The following KCTD1 variants were observed in gnomAD, a reference collection of about 807,000 sequenced individuals.
The protein encoded by KCTD1 is potassium channel tetramerization domain containing 1, also known as BTB/POZ domain-containing protein KCTD1.
In KCTD1, 24 loss-of-function variants were observed where a neutral mutation model predicts 66.0. The observed-to-expected ratio is 0.36, with a 90% CI of 0.26 to 0.51. The LOEUF (loss-of-function observed/expected upper bound fraction) is 0.51, where lower values mean the gene tolerates loss of function less well. Ranked by LOEUF, KCTD1 falls within the 20% of genes least tolerant of loss-of-function variation. The probability of loss-of-function intolerance (pLI) is 0.95; values close to 1 mark genes in which losing one functional copy is unlikely to be tolerated. For synonymous variants in KCTD1, 511 were observed against 517.2 expected, an observed-to-expected ratio of 0.99 and a Z score of 0.16; for missense variants, 943 against 1,205.2, an observed-to-expected ratio of 0.78 and a Z score of 3.22.
At chr18:26,573,406 TAA>T (rs1253433386) in intron 1 of KCTD1, among the ~76,000 whole-genome samples, 1 of 152,208 alleles carries the variant, frequency 6.6e-6, no homozygotes, top group Non-Finnish European at 1.5e-5. Context: ...GTTAAGATGG[TAA>T]ATATTACATG....
chr18:26,543,140 C>T (rs148296551), intron 1 of KCTD1: 2 of 152,282 alleles, frequency 1.3e-5, no homozygotes, highest in East Asian at 1.9e-4. Flanking sequence ...AAGTTATATA[C>T]TTATGTACAA....
intron 1 of KCTD1, among the ~76,000 whole-genome samples, chr18:26,570,766 G>T (rs561036856): frequency 6.6e-6 from 1 of 152,200 alleles, no homozygotes; most frequent in African/African-American, 2.4e-5. Flanking sequence ...TTACCATGGG[G>T]TTACCTCCTG....
chr18:26,462,453 A>G (rs1980484904), intron 3 of KCTD1, among the ~76,000 whole-genome samples: 1 of 152,204 alleles, frequency 6.6e-6, no homozygotes, highest in South Asian at 2.1e-4. Context: ...TCTCCAGAGT[A>G]GAGCCACTGC....
intron 3 of KCTD1, among the ~76,000 whole-genome samples, chr18:26,467,502 C>T (rs760732589): frequency 2.0e-5 from 3 of 149,186 alleles, no homozygotes; most frequent in African/African-American, 7.4e-5. Flanking sequence ...TGGGTGACAG[C>T]GCAAGACCCT....
upstream of KCTD1, chr18:26,548,815 C>A: frequency 9.3e-7 from 1 of 1,077,094 alleles, no homozygotes; most frequent in Non-Finnish European, 1.1e-6. Flanking sequence ...GCTCCCACTT[C>A]TAAGAAAACT....
chr18:26,494,293 C>A (rs1982355859), intron 2 of KCTD1, among the ~76,000 whole-genome samples: 2 of 152,122 alleles, frequency 1.3e-5, no homozygotes, highest in South Asian at 4.1e-4. Flanking sequence ...ATCACTTAAG[C>A]CCAGGAATTC....
intron 1 of KCTD1, among the ~76,000 whole-genome samples, chr18:26,578,133 T>G (rs1986273742): frequency 6.8e-6 from 1 of 148,078 alleles, no homozygotes; most frequent in Admixed American, 6.9e-5. Flanking sequence ...CTCGGCTCAC[T>G]GCAACCTCAG....
chr18:26,461,632 C>T (rs1477438242), intron 3 of KCTD1, among the ~76,000 whole-genome samples: 1 of 152,210 alleles, frequency 6.6e-6, no homozygotes, highest in East Asian at 1.9e-4. Flanking sequence ...GATCCCCACT[C>T]TGGGGCTTTG....
chr18:26,513,296 C>T (rs1983446557), intron 1 of KCTD1, among the ~76,000 whole-genome samples: 1 of 152,034 alleles, frequency 6.6e-6, no homozygotes, highest in South Asian at 2.1e-4. Flanking sequence ...ATCGCGTTAG[C>T]CAGGATGGTC....
At chr18:26,537,141 T>C (rs1984748497) in intron 1 of KCTD1, among the ~76,000 whole-genome samples, 1 of 152,202 alleles carries the variant, frequency 6.6e-6, no homozygotes, top group South Asian at 2.1e-4. Context: ...ATCTGTGTGT[T>C]TCTACAGCAA....
At chr18:26,644,608 A>C (rs1434609862), upstream of KCTD1, among the ~76,000 whole-genome samples, 1 of 152,116 alleles carries the variant, frequency 6.6e-6, no homozygotes, top group East Asian at 1.9e-4. Context: ...AAATACAAAA[A>C]TTAGCTGGGT....
chr18:26,630,171 T>A (rs540498837), upstream of KCTD1, among the ~76,000 whole-genome samples: 1 of 152,216 alleles, frequency 6.6e-6, no homozygotes, highest in African/African-American at 2.4e-5. Context: ...GGTGCCTTCC[T>A]GCTAATACAG....
chr18:26,476,584 A>G lies in KCTD1; in HGVS notation c.2064T>C (p.Asp688=). ...TCAAGATATATCTGAACATCTGTCCATCTCTGTCAATGAAATAGTGCTGTT... is the reference window on the plus strand; with the variant it reads ...TCAAGATATATCTGAACATCTGTCCGTCTCTGTCAATGAAATAGTGCTGTT... ...SLKQHYFIDR[D]GQMFRYILNF... Residue 688 remains aspartate, a synonymous_variant, in exon 3 of 5, where the codon GAT becomes GAC. Transcript: ENST00000580059. The surrounding 1 kb of genome is among the most constrained non-coding windows in gnomAD (Gnocchi z 4.9). 6.2e-7 allele frequency: 1 copy of G among 1,613,752 alleles called. No homozygotes were observed. Among genetic ancestry groups the G allele is most frequent in the African/African-American group, 1.3e-5 (1 of 75,018 alleles).
In KCTD1 at chr18:26,626,154, CA is replaced by C. The variant is rs199890516; in HGVS notation, c.-16+2992del. On this transcript the variant is annotated intron_variant, in intron 1 of 4. Transcript: ENST00000317932. ...CACTGAACTTTACAGTTTCATGAGCCAAAAAAAAAAACAAAAAAAAAAACCT... is the reference window on the plus strand; with the variant it reads ...CACTGAACTTTACAGTTTCATGAGCCAAAAAAAAAACAAAAAAAAAAACCT... 5.4e-3 allele frequency among the ~76,000 whole-genome samples: 634 copies of C among 117,794 alleles called. 5 individuals carry two copies. Among genetic ancestry groups the C allele is most frequent in the African/African-American group, 0.019 (580 of 30,342 alleles). The allele number at this position is 117,794 out of a possible 152,430, so 77.3% of individuals were successfully genotyped here. A position where few individuals can be genotyped will look rare whatever the true frequency, so the allele number is the denominator to read the frequency against.
chr18:26,511,578 A>G (rs1983334392), intron 1 of KCTD1, among the ~76,000 whole-genome samples: 1 of 152,224 alleles, frequency 6.6e-6, no homozygotes, highest in African/African-American at 2.4e-5. Context: ...TTCGAGTCTG[A>G]AATCAGAAAC....
intron 1 of KCTD1, among the ~76,000 whole-genome samples, chr18:26,527,301 C>A (rs1266308332): frequency 6.6e-6 from 1 of 152,110 alleles, no homozygotes; most frequent in Non-Finnish European, 1.5e-5. Context: ...ATAAAGCTAG[C>A]ATTTGATGCA....
At chr18:26,510,107 C>T (rs1226064500) in intron 1 of KCTD1, among the ~76,000 whole-genome samples, 10 of 152,160 alleles carry the variant, frequency 6.6e-5, no homozygotes, top group Admixed American at 5.2e-4. Context: ...GCGAGAAGTA[C>T]AGTGAACTAC....
intron 1 of KCTD1, among the ~76,000 whole-genome samples, chr18:26,651,283 T>C (rs1988026801): frequency 6.6e-6 from 1 of 152,166 alleles, no homozygotes; most frequent in Admixed American, 6.5e-5. Flanking sequence ...GAAAGGACTA[T>C]GGGTGTAGAT....
intron 3 of KCTD1, among the ~76,000 whole-genome samples, chr18:26,463,007 C>T (rs983412064): frequency 2.0e-5 from 3 of 152,182 alleles, no homozygotes; most frequent in African/African-American, 2.4e-5. Flanking sequence ...GGGGCAGCAG[C>T]AGGTTCAGCA....
Sources: gnomAD v4.1 joint callset for allele counts (sites outside exome capture counted in the v4.1 genomes callset) on GRCh38, gnomAD v4.1.1 for gene constraint, Gnocchi (gnomAD v3.1) non-coding constraint, MANE v1.5 for transcripts, NCBI Gene and HGNC (gene_info 2026-07-23, HGNC 2026-07-21) for gene names.